The following SPATA13 variants were observed in gnomAD, a reference collection of about 807,000 sequenced individuals.
The protein encoded by SPATA13 is spermatogenesis-associated protein 13.
Under a neutral mutation model 104.0 loss-of-function variants are expected in SPATA13, and 50 were observed. The observed-to-expected ratio is 0.48, with a 90% CI of 0.38 to 0.61. SPATA13 has a LOEUF of 0.61. Among genes scored for constraint, SPATA13 ranks in the 20% least tolerant of loss-of-function variants. The pLI, the probability that SPATA13 is intolerant of heterozygous loss-of-function variation, is 0.00. For synonymous variants in SPATA13, 606 were observed against 667.5 expected, an observed-to-expected ratio of 0.91 and a Z score of 1.42; for missense variants, 1,524 against 1,690.6, an observed-to-expected ratio of 0.90 and a Z score of 1.73.
chr13:24,127,138 A>T (rs1310245428), intron 3 of SPATA13, among the ~76,000 whole-genome samples: 1 of 152,156 alleles, frequency 6.6e-6, no homozygotes, highest in African/African-American at 2.4e-5. Context: ...TCCTGGCAGG[A>T]AGGGGGATGA....
At chr13:24,028,009 A>G (rs1025421011) in intron 3 of SPATA13, among the ~76,000 whole-genome samples, 4 of 152,104 alleles carry the variant, frequency 2.6e-5, no homozygotes, top group Non-Finnish European at 4.4e-5. Flanking sequence ...TTTAATTTCT[A>G]TTATATTTTT....
intron 3 of SPATA13, among the ~76,000 whole-genome samples, chr13:24,128,533 C>T (rs1305734992): frequency 2.0e-5 from 3 of 152,084 alleles, no homozygotes; most frequent in Admixed American, 6.5e-5. Flanking sequence ...CTTCTCAGGC[C>T]TCAGGTAGCT....
intron 2 of SPATA13, among the ~76,000 whole-genome samples, chr13:24,246,634 T>C (rs2760372): frequency 0.78 from 118,616 of 151,978 alleles, 47,618 homozygotes; most frequent in East Asian, 0.94. Flanking sequence ...CTGCAGTGGG[T>C]GGATCATGAG....
chr13:24,299,746 A>G (rs1180126737), intron 11 of SPATA13, among the ~76,000 whole-genome samples: 2 of 152,336 alleles, frequency 1.3e-5, no homozygotes, highest in East Asian at 3.9e-4. Flanking sequence ...GCAGGGCCCC[A>G]GCACCCAGCC....
At chr13:24,148,348 A>G (rs1332618644) in intron 3 of SPATA13, among the ~76,000 whole-genome samples, 2 of 144,400 alleles carry the variant, frequency 1.4e-5, no homozygotes, top group African/African-American at 5.0e-5. Flanking sequence ...CACAGAACAC[A>G]AGGCTTTTTT....
intron 1 of SPATA13, among the ~76,000 whole-genome samples, chr13:24,207,483 G>C (rs1206882082): frequency 6.6e-6 from 1 of 152,164 alleles, no homozygotes; most frequent in Non-Finnish European, 1.5e-5. Context: ...TTCTGTGTTT[G>C]AGTTTTTGGG....
At chr13:24,275,724 A>G (rs1874929692) in intron 4 of SPATA13, among the ~76,000 whole-genome samples, 2 of 152,358 alleles carry the variant, frequency 1.3e-5, no homozygotes, top group Admixed American at 1.3e-4. Context: ...ACCTGAGGTC[A>G]GGAGTTTGAG....
chr13:24,264,787 G>T (rs1396974741), intron 4 of SPATA13, among the ~76,000 whole-genome samples: 1 of 152,194 alleles, frequency 6.6e-6, no homozygotes, highest in Non-Finnish European at 1.5e-5. Flanking sequence ...AAATCCACGT[G>T]TGCTTACAGA....
intron 8 of SPATA13, 49 bp from the exon 9 acceptor site, chr13:24,290,603 G>T (rs757249768): frequency 6.9e-7 from 1 of 1,439,518 alleles, no homozygotes; most frequent in Admixed American, 1.7e-5. Flanking sequence ...TCTTTGTCAT[G>T]TCCCAGAGGC....
chr13:24,257,243 G>C (rs1473205351), intron 4 of SPATA13, among the ~76,000 whole-genome samples: 1 of 152,152 alleles, frequency 6.6e-6, no homozygotes, highest in Non-Finnish European at 1.5e-5. Context: ...ATCTTCCAGA[G>C]AGGAGAGTGT....
chr13:24,255,100 C>T (rs1282592328), intron 4 of SPATA13, among the ~76,000 whole-genome samples: 3 of 152,204 alleles, frequency 2.0e-5, no homozygotes, highest in Admixed American at 1.3e-4. Context: ...GGAGTGCGCA[C>T]GAGCTAAATC....
At chr13:24,168,312 T>A (rs375993460) in intron 1 of SPATA13, among the ~76,000 whole-genome samples, 90 of 152,336 alleles carry the variant, frequency 5.9e-4, no homozygotes, top group African/African-American at 2.1e-3. Flanking sequence ...GGTAAGGTGG[T>A]TGAATTAATG....
At chr13:24,124,022 C>A (rs1881130168) in intron 3 of SPATA13, among the ~76,000 whole-genome samples, 1 of 152,130 alleles carries the variant, frequency 6.6e-6, no homozygotes, top group African/African-American at 2.4e-5. Flanking sequence ...TTGGCTCCAG[C>A]TAGGAAAGAT....
chr13:24,076,453 GC>G (rs1879329605), intron 3 of SPATA13, among the ~76,000 whole-genome samples: 1 of 152,144 alleles, frequency 6.6e-6, no homozygotes, highest in South Asian at 2.1e-4. Context: ...ATGGCCAAGT[GC>G]CTGGATTTGT....
intron 3 of SPATA13, among the ~76,000 whole-genome samples, chr13:24,087,780 C>T (rs1006205589): frequency 2.6e-5 from 4 of 152,200 alleles, no homozygotes; most frequent in Non-Finnish European, 4.4e-5. Flanking sequence ...CCAGGAAGCC[C>T]GTGTTCTGGG....
At chr13:24,214,190 TC>T (rs1373808183) in intron 1 of SPATA13, among the ~76,000 whole-genome samples, 13 of 152,160 alleles carry the variant, frequency 8.5e-5, no homozygotes, top group African/African-American at 2.9e-4. Flanking sequence ...ACAAAGCAGA[TC>T]AACCCCAAAG....
chr13:24,290,665 C>A lies in SPATA13; in HGVS notation c.2861C>A (p.Ala954Asp), dbSNP rs757288229. The A allele has an allele frequency of 1.2e-6, 2 of 1,614,128 alleles. No individual in the cohort carries two copies. Among genetic ancestry groups the A allele is most frequent in the South Asian group, 1.1e-5 (1 of 91,072 alleles). The change falls in exon 9 of 13, where the codon GCC becomes GAC. Residue 954 changes from alanine (A) to aspartate (D), a missense_variant. Ala to Asp is a moderately radical substitution (Grantham distance 126, BLOSUM62 -2). Transcript: ENST00000382108. ...SCFLQNQEGF[A>D]IYSEYCNNHP... is the part of the protein sequence containing the mutation. ...TTTCCTTCCCAGCAAGAGGGCTTTG[C>A]CATCTATTCCGAGTACTGCAACAAC... is the stretch of plus-strand genomic sequence containing the variant.
At chr13:24,109,934 A>G (rs1297869575) in intron 3 of SPATA13, among the ~76,000 whole-genome samples, 2 of 150,450 alleles carry the variant, frequency 1.3e-5, no homozygotes, top group Non-Finnish European at 3.0e-5. Context: ...TTCCATACAC[A>G]TTGCCAAATT....
chr13:24,296,668 G>A (rs2138765630), intron 10 of SPATA13, among the ~76,000 whole-genome samples: 1 of 152,206 alleles, frequency 6.6e-6, no homozygotes, highest in East Asian at 1.9e-4. Flanking sequence ...TCTCACTCTT[G>A]GAGGCTCCGT....
Sources: allele counts gnomAD v4.1 joint callset (sites outside exome capture counted in the v4.1 genomes callset), GRCh38; gene constraint gnomAD v4.1.1; transcripts MANE v1.5; gene names NCBI Gene and HGNC (gene_info 2026-07-23, HGNC 2026-07-21).